The following MAGI2 variants were observed in gnomAD, a reference collection of about 807,000 sequenced individuals.
MAGI2 encodes membrane associated guanylate kinase, WW and PDZ domain containing 2, also known as membrane-associated guanylate kinase, WW and PDZ domain-containing protein 2.
A neutral mutation model predicts 133.3 loss-of-function variants in MAGI2; 35 were observed. The ratio of observed to expected loss-of-function variants is 0.26; its 90% CI spans 0.20 to 0.35. The LOEUF is 0.35. MAGI2 is among the 10% of genes least tolerant of loss of function. The pLI is 1.00. For missense variants in MAGI2, 1,636 were observed against 1,863.4 expected, an observed-to-expected ratio of 0.88 and a Z score of 2.25; for synonymous variants, 729 against 710.6, an observed-to-expected ratio of 1.03 and a Z score of -0.41.
chr7:78,076,852 C>CAAAAAA (rs1242148618), intron 21 of MAGI2, among the ~76,000 whole-genome samples: 9 of 42,548 alleles, frequency 2.1e-4, no homozygotes, highest in African/African-American at 4.7e-4. Flanking sequence ...GACTCCGTCT[C>CAAAAAA]AAAAAAAAAA....
intron 7 of MAGI2, among the ~76,000 whole-genome samples, chr7:78,348,751 CCACTT>C (rs938764092): frequency 1.3e-5 from 2 of 152,172 alleles, no homozygotes; most frequent in African/African-American, 4.8e-5. Flanking sequence ...TTCTTATACT[CCACTT>C]CATCATTAAG....
At chr7:79,073,594 T>G (rs1015366447) in intron 1 of MAGI2, among the ~76,000 whole-genome samples, 1 of 152,092 alleles carries the variant, frequency 6.6e-6, no homozygotes, top group East Asian at 1.9e-4. Context: ...GCAGAAATCT[T>G]ATATCTTCTA....
intron 1 of MAGI2, among the ~76,000 whole-genome samples, chr7:79,291,515 A>G (rs1836483995): frequency 6.6e-6 from 1 of 152,082 alleles, no homozygotes; most frequent in African/African-American, 2.4e-5. Flanking sequence ...CAGCTCTACA[A>G]TTTTACAATC....
At position 78,066,512 on chromosome 7, in the gene MAGI2, G is replaced by A. The variant is rs184291749; in HGVS notation, c.3706+12435C>T. Among the ~76,000 whole-genome samples the A allele has an allele frequency of 7.1e-4, 106 of 149,940 alleles. 1 individual carries two copies. The highest frequency in any genetic ancestry group is 2.5e-3 in the African/African-American group (99 of 40,326). On this transcript the variant is annotated intron_variant, in intron 21 of 21. Transcript: ENST00000354212. ...ACTTGCTGGATATAATTGCTTTCTGGAAGAAAATAAAGCTGAAAAAAAAAT... is the reference window on the plus strand; with the variant it reads ...ACTTGCTGGATATAATTGCTTTCTGAAAGAAAATAAAGCTGAAAAAAAAAT...
chr7:78,764,446 T>C (rs1041380867), intron 2 of MAGI2, among the ~76,000 whole-genome samples: 1 of 152,196 alleles, frequency 6.6e-6, no homozygotes, highest in Non-Finnish European at 1.5e-5. Context: ...CTCGATGAAT[T>C]TGTGAATAAA....
Position 79,048,688 on chromosome 7 carries a change from A to T in MAGI2, c.302-41482T>A, listed in dbSNP as rs1812393947. ...AGCCATTAAGCTTAAGAATTATCTC[A>T]GGGGGCCTGGCACAATGGCTCATGC... On this transcript the variant is annotated intron_variant, in intron 1 of 21. Transcript: ENST00000354212. Among the ~76,000 whole-genome samples the T allele has an allele frequency of 2.0e-5, 3 of 152,186 alleles. No homozygotes were observed. The South Asian group carries it at 6.2e-4, about 31-fold the overall frequency.
At chr7:79,245,422 G>T (rs1832746716) in intron 1 of MAGI2, among the ~76,000 whole-genome samples, 1 of 152,116 alleles carries the variant, frequency 6.6e-6, no homozygotes, top group Non-Finnish European at 1.5e-5. Flanking sequence ...GGCGTTCTAG[G>T]CCTGGCATCA....
At chr7:78,937,974 T>A (rs900426687) in intron 2 of MAGI2, among the ~76,000 whole-genome samples, 6 of 152,108 alleles carry the variant, frequency 3.9e-5, no homozygotes, top group African/African-American at 1.4e-4. Context: ...TCAAGAAAAT[T>A]GATAGAATGA....
chr7:78,715,698 G>C (rs1361703717), intron 2 of MAGI2, among the ~76,000 whole-genome samples: 1 of 152,066 alleles, frequency 6.6e-6, no homozygotes, highest in Non-Finnish European at 1.5e-5. Context: ...TTATAACAAT[G>C]ACTTCATTCA....
chr7:79,182,286 A>G (rs866817552), intron 1 of MAGI2, among the ~76,000 whole-genome samples: 2 of 152,006 alleles, frequency 1.3e-5, no homozygotes, highest in African/African-American at 2.4e-5. Flanking sequence ...GTTCCACATA[A>G]TTGGGGAGGC....
intron 1 of MAGI2, among the ~76,000 whole-genome samples, chr7:79,098,635 T>C (rs1306617812): frequency 2.6e-5 from 4 of 152,236 alleles, no homozygotes; most frequent in Non-Finnish European, 4.4e-5. Flanking sequence ...TTTGTTCCTG[T>C]CTAAATCTTT....
chr7:78,738,126 T>C (rs889950222), intron 2 of MAGI2, among the ~76,000 whole-genome samples: 5 of 152,244 alleles, frequency 3.3e-5, no homozygotes, highest in African/African-American at 1.2e-4. Context: ...CTATATAATA[T>C]ATGCATATCT....
rs553587375 is a variant in MAGI2, at chr7:79,451,770, G to T, written c.301+1250C>A. On this transcript the variant is annotated intron_variant, in intron 1 of 21. Coordinates refer to ENST00000354212, the MANE Select transcript of MAGI2 (RefSeq NM_012301.4). ...ATGACATGCTCAATTCCACCTTTGA[G>T]TCAGGACAAACAGTGTACATCGACG... Among the ~76,000 whole-genome samples the T allele has an allele frequency of 1.9e-4, 29 of 152,226 alleles. No individual in the cohort carries two copies. In the South Asian group the frequency reaches 6.0e-3, roughly 32 times the overall value.
chr7:79,453,186 C>T lies in MAGI2; in HGVS notation c.135G>A (p.Gly45=), dbSNP rs1849413528. 2 of 1,613,968 alleles carry T rather than the reference C, an allele frequency of 1.2e-6. No homozygotes were observed. Among genetic ancestry groups the T allele is most frequent in the Non-Finnish European group, 1.7e-6 (2 of 1,180,052 alleles). Residue 45 remains glycine, a synonymous_variant, in exon 1 of 22, where the codon GGG becomes GGA. Transcript: ENST00000354212. ...GAENGQFPYL[G]EVKPGKVAYE... ...AGGCCACCTTGCCGGGCTTCACCTCCCCCAGGTAGGGGAACTGTCCATTCT... is the reference window on the plus strand; with the variant it reads ...AGGCCACCTTGCCGGGCTTCACCTCTCCCAGGTAGGGGAACTGTCCATTCT...
At chr7:79,184,274 G>C (rs941300139) in intron 1 of MAGI2, among the ~76,000 whole-genome samples, 5 of 150,866 alleles carry the variant, frequency 3.3e-5, no homozygotes, top group Non-Finnish European at 7.4e-5. Flanking sequence ...AATTATTATT[G>C]GTCAATTAAA....
At chr7:78,949,540 C>T (rs979724238) in intron 2 of MAGI2, among the ~76,000 whole-genome samples, 10 of 152,110 alleles carry the variant, frequency 6.6e-5, no homozygotes, top group Non-Finnish European at 1.3e-4. Flanking sequence ...GGCTAAAATA[C>T]ATTTCTACAT....
At position 78,019,475 on chromosome 7, in the gene MAGI2, T is replaced by G. The variant is rs1248048809; in HGVS notation, c.4208A>C (p.Glu1403Ala). The G allele has an allele frequency of 2.0e-6, 2 of 979,324 alleles. No homozygotes were observed. The highest frequency in any genetic ancestry group is 1.2e-6 in the Non-Finnish European group (1 of 827,900). The allele number at this position is 979,324 out of a possible 1,614,324, so 60.7% of individuals were successfully genotyped here. A position where few individuals can be genotyped will look rare whatever the true frequency, so the allele number is the denominator to read the frequency against. The change falls in exon 22 of 22, where the codon GAG (glutamate) becomes GCG (alanine). Residue 1403 changes from glutamate (E) to alanine (A), a missense_variant. Physicochemically the swap from Glu to Ala is moderately radical, Grantham distance 107. Coordinates refer to ENST00000354212, the MANE Select transcript of MAGI2 (RefSeq NM_012301.4). ...GGGGSGALEA[E>A]GRAGARAGPR... The stretch of plus-strand genomic sequence containing the variant: ...ACCCGCGCGCGCACCCGCCCTGCCC[T>G]CGGCCTCCAGCGCGCCGCTGCCGCC...
chr7:78,573,266 A>ATATT (rs1474375556), intron 3 of MAGI2, among the ~76,000 whole-genome samples: 2 of 24,240 alleles, frequency 8.3e-5, no homozygotes, highest in East Asian at 0.016. Context: ...AAATATAAAT[A>ATATT]TATATAAATA....
chr7:78,240,308 T>C (rs1278420242), intron 10 of MAGI2, among the ~76,000 whole-genome samples: 1 of 152,046 alleles, frequency 6.6e-6, no homozygotes, highest in African/African-American at 2.4e-5. Flanking sequence ...GCAAAGGACA[T>C]GAACTCATCC....
Sources: allele counts gnomAD v4.1 joint callset (sites outside exome capture counted in the v4.1 genomes callset), GRCh38; gene constraint gnomAD v4.1.1; transcripts MANE v1.5; gene names NCBI Gene and HGNC (gene_info 2026-07-23, HGNC 2026-07-21).